Variants in C6orf118 observed in about 807,000 individuals in gnomAD.
The protein encoded by C6orf118 is uncharacterized protein C6orf118.
In C6orf118, 50 loss-of-function variants were observed where a neutral mutation model predicts 50.2. That is an observed-to-expected ratio of 1.00 (90% CI 0.79 to 1.26). C6orf118 has a LOEUF of 1.26. Among genes scored for constraint, C6orf118 ranks in the 50% most tolerant of loss-of-function variants. C6orf118 has a pLI of 0.00. For synonymous variants in C6orf118, 239 were observed against 230.9 expected (o/e 1.03, Z -0.32); for missense variants, 641 against 578.7 (o/e 1.11, Z -1.10).
rs1258773341 is a variant in C6orf118, at chr6:165,281,691, A to G, written c.1305T>C (p.His435=). The G allele has an allele frequency of 3.4e-6, 5 of 1,482,874 alleles. No individual in the cohort carries two copies. Among genetic ancestry groups the G allele is most frequent in the Non-Finnish European group, 4.5e-6 (5 of 1,107,794 alleles). The allele number at this position is 1,482,874 out of a possible 1,614,324, so 91.9% of individuals were successfully genotyped here. A position where few individuals can be genotyped will look rare whatever the true frequency, so the allele number is the denominator to read the frequency against. ...ITENRIKSIE[H]EAIQLETENM... Reference sequence around the variant, plus strand: ...TTTCTGTTTCCAATTGTATAGCTTCATGCTGGAAGAGAAGTTGTTTTAAAC... The same window carrying G: ...TTTCTGTTTCCAATTGTATAGCTTCGTGCTGGAAGAGAAGTTGTTTTAAAC... Residue 435 remains histidine, a splice_region_variant and synonymous_variant, in exon 8 of 9, where the codon CAT becomes CAC. Transcript: ENST00000230301.
intron 7 of C6orf118, among the ~76,000 whole-genome samples, chr6:165,289,227 AAAAGAG>A (rs1414996405): frequency 1.3e-5 from 2 of 151,982 alleles, no homozygotes; most frequent in African/African-American, 2.4e-5. Flanking sequence ...ATATGATTGT[AAAAGAG>A]AAAGAGATAA....
chr6:165,308,113 C>A (rs1268691168), intron 1 of C6orf118, among the ~76,000 whole-genome samples: 1 of 152,188 alleles, frequency 6.6e-6, no homozygotes, highest in Non-Finnish European at 1.5e-5. Flanking sequence ...GGGAGAAGCA[C>A]ATGCCTCACA....
intron 5 of C6orf118, among the ~76,000 whole-genome samples, chr6:165,296,983 G>C (rs1780332520): frequency 6.6e-6 from 1 of 152,142 alleles, no homozygotes; most frequent in African/African-American, 2.4e-5. Flanking sequence ...TCTGGTCACA[G>C]GTCAGACACT....
chr6:165,306,384 T>C (rs1211361419), intron 1 of C6orf118, among the ~76,000 whole-genome samples: 1 of 113,488 alleles, frequency 8.8e-6, no homozygotes, highest in African/African-American at 3.4e-5. Flanking sequence ...AGATGACACG[T>C]TAGTGGGTGC....
At chr6:165,292,260 A>G (rs1029962994) in intron 6 of C6orf118, among the ~76,000 whole-genome samples, 5 of 152,152 alleles carry the variant, frequency 3.3e-5, no homozygotes, top group Admixed American at 2.0e-4. Context: ...AAATGGGGAC[A>G]TTCCACAGCA....
chr6:165,291,958 A>G lies in C6orf118; in HGVS notation c.1120+1455T>C, dbSNP rs181678723. 2.3e-3 allele frequency among the ~76,000 whole-genome samples: 352 copies of G among 152,340 alleles called. 1 individual carries two copies. Among genetic ancestry groups the G allele is most frequent in the African/African-American group, 7.8e-3 (326 of 41,578 alleles). ...TAACAGCCATCATTCAACTTTGCCA[A>G]ATTTGGAAGAGGAGAAACTTTGACA... On this transcript the variant is annotated intron_variant, in intron 6 of 8. Transcript: ENST00000230301.
chr6:165,308,871 TTTCTTTTAAATCA>T (rs1780841167), intron 1 of C6orf118, among the ~76,000 whole-genome samples: 1 of 152,176 alleles, frequency 6.6e-6, no homozygotes, highest in Non-Finnish European at 1.5e-5. Context: ...CACAATAAAA[TTTCTTTTAAATCA>T]TTTTCTTGTT....
intron 6 of C6orf118, among the ~76,000 whole-genome samples, chr6:165,290,878 T>C (rs1005107597): frequency 2.6e-5 from 4 of 152,172 alleles, no homozygotes; most frequent in African/African-American, 9.7e-5. Context: ...AGAGATTTAA[T>C]TGGACTTACA....
chr6:165,296,822 G>C (rs1780327348), intron 5 of C6orf118, among the ~76,000 whole-genome samples: 1 of 152,140 alleles, frequency 6.6e-6, no homozygotes, highest in South Asian at 2.1e-4. Context: ...CCTTCTCTGT[G>C]CCTCACCTGA....
chr6:165,289,684 T>G (rs989556215), intron 7 of C6orf118, among the ~76,000 whole-genome samples: 1 of 152,168 alleles, frequency 6.6e-6, no homozygotes, highest in Non-Finnish European at 1.5e-5. Flanking sequence ...TATAGAATTT[T>G]TTTATCACTT....
chr6:165,307,850 C>G (rs1583032616), intron 1 of C6orf118, among the ~76,000 whole-genome samples: 1 of 152,218 alleles, frequency 6.6e-6, no homozygotes, highest in East Asian at 1.9e-4. Flanking sequence ...GAGTCCTGGG[C>G]TCCCCTCACA....
chr6:165,295,660 TC>T (rs545115962), intron 5 of C6orf118, among the ~76,000 whole-genome samples: 8,413 of 68,708 alleles, frequency 0.12, 281 homozygotes, highest in Non-Finnish European at 0.14. Flanking sequence ...TTTTTTTTTT[TC>T]GGTGTTGTTT....
chr6:165,288,045 T>C (rs1779972783), intron 7 of C6orf118, among the ~76,000 whole-genome samples: 1 of 152,160 alleles, frequency 6.6e-6, no homozygotes, highest in Non-Finnish European at 1.5e-5. Flanking sequence ...GGCAAATGTC[T>C]AATGTTCACA....
intron 1 of C6orf118, among the ~76,000 whole-genome samples, chr6:165,305,701 C>A (rs1780695240): frequency 8.2e-6 from 1 of 121,250 alleles, no homozygotes; most frequent in Non-Finnish European, 1.6e-5. Context: ...GACATTTATG[C>A]AGCCAAAAAA....
chr6:165,279,996 T>C lies in C6orf118; in HGVS notation c.*61A>G. 1.3e-6 allele frequency: 2 copies of C among 1,521,376 alleles called. 1 individual carries two copies. The allele number at this position is 1,521,376 out of a possible 1,614,324, so 94.2% of individuals were successfully genotyped here. ...ATGAATGTATATGCATCTGCAAATA[T>C]CCATGCTACATACATGGAAGTTAAG... On this transcript the variant is annotated 3_prime_UTR_variant, in exon 9 of 9. Coordinates refer to ENST00000230301, the MANE Select transcript of C6orf118 (RefSeq NM_144980.4).
chr6:165,291,727 T>C (rs1328328659), intron 6 of C6orf118, among the ~76,000 whole-genome samples: 1 of 152,102 alleles, frequency 6.6e-6, no homozygotes, highest in Non-Finnish European at 1.5e-5. Context: ...CCAAAGAATA[T>C]CAACATTTAA....
chr6:165,283,860 A>G (rs1779819849), intron 7 of C6orf118, among the ~76,000 whole-genome samples: 1 of 152,244 alleles, frequency 6.6e-6, no homozygotes, highest in Non-Finnish European at 1.5e-5. Flanking sequence ...TAAGTGCATG[A>G]AGATGAGAAA....
At chr6:165,298,601 AT>A in intron 4 of C6orf118, among the ~76,000 whole-genome samples, 1 of 152,262 alleles carries the variant, frequency 6.6e-6, no homozygotes, top group East Asian at 1.9e-4. Context: ...TGGCCTGGGA[AT>A]TTTTTCATGC....
At chr6:165,299,787 C>T (rs1054466607) in intron 3 of C6orf118, among the ~76,000 whole-genome samples, 1 of 152,120 alleles carries the variant, frequency 6.6e-6, no homozygotes, top group South Asian at 2.1e-4. Flanking sequence ...CCGGTTCAAG[C>T]GATTCTCCTG....
Sources: gnomAD v4.1 joint callset for allele counts (sites outside exome capture counted in the v4.1 genomes callset) on GRCh38, gnomAD v4.1.1 for gene constraint, MANE v1.5 for transcripts, NCBI Gene and HGNC (gene_info 2026-07-23, HGNC 2026-07-21) for gene names.